TENM3: variants seen among roughly 807,000 people sequenced by gnomAD.
TENM3 encodes teneurin transmembrane protein 3.
In TENM3, 63 loss-of-function variants were observed where a neutral mutation model predicts 255.1. The observed-to-expected ratio is 0.25, with a 90% CI of 0.20 to 0.30. The LOEUF is 0.30. TENM3 is among the 10% of genes least tolerant of loss of function. The probability of loss-of-function intolerance (pLI) is 1.00; values close to 1 mark genes in which losing one functional copy is unlikely to be tolerated. For missense variants in TENM3, 2,929 were observed against 3,461.1 expected, an observed-to-expected ratio of 0.85 and a Z score of 3.86; for synonymous variants, 1,306 against 1,322.3, an observed-to-expected ratio of 0.99 and a Z score of 0.27.
At chr4:181,669,904 G>A in the TENM3 span, among the ~76,000 whole-genome samples, 2 of 152,190 alleles carry the variant, frequency 1.3e-5, no homozygotes, top group Non-Finnish European at 2.9e-5. Flanking sequence ...ATCAGCAACA[G>A]GTTGAAAGCT....
At chr4:181,482,155 A>T in the TENM3 span, among the ~76,000 whole-genome samples, 2 of 152,158 alleles carry the variant, frequency 1.3e-5, no homozygotes, top group Non-Finnish European at 2.9e-5. Context: ...TGTATCTATT[A>T]ATAGGGTATG....
chr4:182,216,997 A>G (rs1415797244), intron 1 of TENM3, among the ~76,000 whole-genome samples: 1 of 129,926 alleles, frequency 7.7e-6, no homozygotes, highest in East Asian at 2.2e-4. Flanking sequence ...AAATTTCACC[A>G]TCATTTTCTT....
intron 3 of TENM3, among the ~76,000 whole-genome samples, chr4:182,366,552 C>A (rs192009513): frequency 4.3e-4 from 65 of 151,986 alleles, no homozygotes; most frequent in African/African-American, 1.3e-3. Context: ...TACTTCATAT[C>A]GTCTAATAAA....
At chr4:182,439,061 T>A (rs1772257854) in intron 3 of TENM3, among the ~76,000 whole-genome samples, 1 of 152,190 alleles carries the variant, frequency 6.6e-6, no homozygotes, top group Non-Finnish European at 1.5e-5. Flanking sequence ...GGAGTTACAT[T>A]TAACTTGCTC....
chr4:182,664,242 C>A lies in TENM3; in HGVS notation c.1112-8763C>A, dbSNP rs568562287. On this transcript the variant is annotated intron_variant, in intron 6 of 27. Transcript: ENST00000511685. ...CTCTCTGTTGCATTTTGGTAATTCTCAAAATATTTCAAACTTTTTCATTAT... is the reference window on the plus strand; with the variant it reads ...CTCTCTGTTGCATTTTGGTAATTCTAAAAATATTTCAAACTTTTTCATTAT... Among the ~76,000 whole-genome samples the A allele has an allele frequency of 2.0e-5, 3 of 152,278 alleles. No homozygotes were observed. In the East Asian group the frequency reaches 5.8e-4, roughly 29 times the overall value.
At chr4:182,183,935 C>T (rs1364815946) in intron 1 of TENM3, among the ~76,000 whole-genome samples, 1 of 152,064 alleles carries the variant, frequency 6.6e-6, no homozygotes, top group African/African-American at 2.4e-5. Context: ...ATTAAAACTA[C>T]AAGTGGCCTT....
the TENM3 span, among the ~76,000 whole-genome samples, chr4:181,596,418 G>A: frequency 6.6e-6 from 1 of 151,962 alleles, no homozygotes; most frequent in African/African-American, 2.4e-5. Context: ...TGAACATCTG[G>A]CAACACTAGG....
At chr4:181,737,396 C>T in the TENM3 span, among the ~76,000 whole-genome samples, 1 of 152,072 alleles carries the variant, frequency 6.6e-6, no homozygotes. Context: ...AAGTGTGCTG[C>T]CTGTTCTGAA....
intron 5 of TENM3, among the ~76,000 whole-genome samples, chr4:182,638,982 A>G (rs938772350): frequency 2.6e-5 from 4 of 152,150 alleles, no homozygotes; most frequent in East Asian, 1.9e-4. Context: ...TTTGAGAGAA[A>G]ATTGTACAGG....
At chr4:181,500,518 G>A in the TENM3 span, among the ~76,000 whole-genome samples, 1 of 152,126 alleles carries the variant, frequency 6.6e-6, no homozygotes, top group African/African-American at 2.4e-5. Flanking sequence ...TCATCAGTCA[G>A]ATGTTCATAC....
intron 4 of TENM3, among the ~76,000 whole-genome samples, chr4:182,614,336 T>C (rs1749278454): frequency 6.6e-6 from 1 of 152,162 alleles, no homozygotes; most frequent in African/African-American, 2.4e-5. Flanking sequence ...AATCAATCCA[T>C]TTTGAACAAA....
intron 1 of TENM3, among the ~76,000 whole-genome samples, chr4:182,260,297 C>A (rs1007983254): frequency 2.0e-5 from 3 of 152,086 alleles, no homozygotes; most frequent in Admixed American, 6.6e-5. Context: ...GTTTTTAGTT[C>A]TTTTGAGGAA....
At chr4:182,326,962 T>A (rs146324038) in intron 2 of TENM3, among the ~76,000 whole-genome samples, 1 of 152,162 alleles carries the variant, frequency 6.6e-6, no homozygotes, top group East Asian at 1.9e-4. Flanking sequence ...TGAGGACGAG[T>A]GTGAGGGTGG....
the TENM3 span, among the ~76,000 whole-genome samples, chr4:181,859,839 GAA>G: frequency 6.8e-6 from 1 of 147,196 alleles, no homozygotes; most frequent in Non-Finnish European, 1.5e-5. Context: ...TACATGAGCA[GAA>G]AAAAAAAACA....
intron 3 of TENM3, among the ~76,000 whole-genome samples, chr4:182,595,245 TTTC>T (rs1467945352): frequency 1.3e-5 from 2 of 152,246 alleles, no homozygotes; most frequent in East Asian, 1.9e-4. Flanking sequence ...ACCAGCAGTT[TTTC>T]TTCTTCTCCA....
intron 12 of TENM3, among the ~76,000 whole-genome samples, chr4:182,689,161 G>A (rs1756819349): frequency 6.6e-6 from 1 of 152,134 alleles, no homozygotes; most frequent in Admixed American, 6.5e-5. Flanking sequence ...TTCAGTGAAA[G>A]TACACAGTAT....
chr4:182,679,036 G>A (rs189571344), intron 7 of TENM3, among the ~76,000 whole-genome samples: 12 of 152,208 alleles, frequency 7.9e-5, no homozygotes, highest in Admixed American at 5.2e-4. Context: ...ACAGGGAGGG[G>A]AACATCACCC....
At chr4:181,946,445 C>A in the TENM3 span, among the ~76,000 whole-genome samples, 1 of 152,162 alleles carries the variant, frequency 6.6e-6, no homozygotes, top group African/African-American at 2.4e-5. Flanking sequence ...ACACCTCTTT[C>A]ATCCACACCC....
At chr4:182,224,953 C>G (rs1477954053) in intron 1 of TENM3, among the ~76,000 whole-genome samples, 1 of 152,114 alleles carries the variant, frequency 6.6e-6, no homozygotes, top group Non-Finnish European at 1.5e-5. Context: ...AGGCTGGTCT[C>G]GAACTCCTGA....
Sources: gnomAD v4.1 joint callset for allele counts (sites outside exome capture counted in the v4.1 genomes callset) on GRCh38, gnomAD v4.1.1 for gene constraint, MANE v1.5 for transcripts, NCBI Gene and HGNC (gene_info 2026-07-23, HGNC 2026-07-21) for gene names.